The following KIF16B variants were observed in gnomAD, a reference collection of about 807,000 sequenced individuals.
KIF16B encodes kinesin-like protein KIF16B.
A neutral mutation model predicts 156.3 loss-of-function variants in KIF16B; 98 were observed. The observed-to-expected ratio is 0.63, with a 90% CI of 0.53 to 0.74. KIF16B has a LOEUF of 0.74. Among genes scored for constraint, KIF16B ranks in the 30% least tolerant of loss-of-function variants. KIF16B has a pLI of 0.00. For synonymous variants in KIF16B, 564 were observed against 583.7 expected (o/e 0.97, Z 0.49); for missense variants, 1,421 against 1,606.5 (o/e 0.88, Z 1.97).
intron 9 of KIF16B, 125 bp downstream of exon 9, chr20:16,505,597 G>T: frequency 1.2e-6 from 1 of 850,810 alleles, no homozygotes; most frequent in Non-Finnish European, 1.8e-6. Context: ...CCTCAAGATA[G>T]AAAAACCATT....
intron 16 of KIF16B, among the ~76,000 whole-genome samples, 191 bp downstream of exon 16, chr20:16,406,183 T>G (rs763791425): frequency 1.3e-5 from 2 of 152,160 alleles, no homozygotes; most frequent in African/African-American, 2.4e-5. Flanking sequence ...AGAATTTACT[T>G]GCTTGCTCTC....
intron 12 of KIF16B, among the ~76,000 whole-genome samples, chr20:16,492,155 A>G (rs982134433): frequency 6.6e-6 from 1 of 152,198 alleles, no homozygotes; most frequent in African/African-American, 2.4e-5. Flanking sequence ...TTTTATGCGC[A>G]TTACTGGAAC....
chr20:16,362,332 G>A (rs941239538), intron 22 of KIF16B, among the ~76,000 whole-genome samples: 1 of 142,246 alleles, frequency 7.0e-6, no homozygotes, highest in Non-Finnish European at 1.5e-5. Flanking sequence ...CGCTATGACT[G>A]TGTCTAAGCT....
At chr20:16,381,818 CAG>C (rs1291932446) in intron 17 of KIF16B, 71 bp from the exon 18 acceptor site, 15 of 1,261,408 alleles carry the variant, frequency 1.2e-5, no homozygotes, top group Admixed American at 4.2e-5. Context: ...TCTCTGTATA[CAG>C]AGTCACATAT....
intron 24 of KIF16B, among the ~76,000 whole-genome samples, chr20:16,330,836 G>A (rs1473945902): frequency 6.6e-6 from 1 of 152,226 alleles, no homozygotes; most frequent in Non-Finnish European, 1.5e-5. Context: ...TCTGCCTATG[G>A]AGTTGTTATA....
intron 17 of KIF16B, among the ~76,000 whole-genome samples, chr20:16,383,085 C>T (rs1255548952): frequency 1.3e-5 from 2 of 152,060 alleles, no homozygotes; most frequent in African/African-American, 4.8e-5. Flanking sequence ...CCTTGACCTC[C>T]TAGGCTCAAG....
intron 24 of KIF16B, among the ~76,000 whole-genome samples, chr20:16,316,131 G>A (rs192562382): frequency 1.3e-5 from 2 of 152,278 alleles, no homozygotes; most frequent in Admixed American, 6.5e-5. Flanking sequence ...TGCCAGTTCT[G>A]TAAGTTAAAA....
Position 16,476,247 on chromosome 20 carries a change from T to C in KIF16B, c.1302+18044A>G, listed in dbSNP as rs190729530. 3.3e-5 allele frequency among the ~76,000 whole-genome samples: 5 copies of C among 152,304 alleles called. No individual in the cohort carries two copies. The East Asian group carries it at 9.6e-4, about 29-fold the overall frequency. On this transcript the variant is annotated intron_variant, in intron 12 of 25. Transcript: ENST00000354981. ...ATGCATATTATAAAACAGGAATATA[T>C]ATATAGCTCTTAAGGTAAACAGCTT... is the stretch of plus-strand genomic sequence containing the variant.
At chr20:16,474,994 C>G (rs926247700) in intron 12 of KIF16B, among the ~76,000 whole-genome samples, 3 of 152,174 alleles carry the variant, frequency 2.0e-5, no homozygotes, top group African/African-American at 7.2e-5. Context: ...CACACAACAC[C>G]TCTCACCAAG....
At chr20:16,302,147 T>C (rs550303186) in intron 25 of KIF16B, among the ~76,000 whole-genome samples, 1 of 152,356 alleles carries the variant, frequency 6.6e-6, no homozygotes, top group South Asian at 2.1e-4. Flanking sequence ...GTCTATCTTA[T>C]TTATTTTATG....
At position 16,505,860 on chromosome 20, in the gene KIF16B, A is replaced by C; in HGVS notation, c.869-7T>G. Reference sequence around the variant, plus strand: ...GCATCCTGAGATAAATCAGCTATGAAAAGGAAGAAACAAAGGGGAGAAAGG... The same window carrying C: ...GCATCCTGAGATAAATCAGCTATGACAAGGAAGAAACAAAGGGGAGAAAGG... On this transcript the variant is annotated splice_polypyrimidine_tract_variant and splice_region_variant and intron_variant, in intron 8 of 25. Transcript: ENST00000354981. 1 of 1,613,550 alleles carries C rather than the reference A, an allele frequency of 6.2e-7. No homozygotes were observed. The highest frequency in any genetic ancestry group is 8.5e-7 in the Non-Finnish European group (1 of 1,179,834).
chr20:16,429,802 GT>G, intron 13 of KIF16B, 60 bp downstream of exon 13: 1 of 1,408,432 alleles, frequency 7.1e-7, no homozygotes, highest in African/African-American at 1.4e-5. Context: ...AATAAACCTA[GT>G]TAGTGTCTAA....
intron 24 of KIF16B, among the ~76,000 whole-genome samples, chr20:16,318,925 C>T (rs1601559608): frequency 6.6e-6 from 1 of 152,164 alleles, no homozygotes; most frequent in African/African-American, 2.4e-5. Flanking sequence ...AGCAACTCTA[C>T]AGTAGAGAAA....
In KIF16B at chr20:16,483,311, T is replaced by G. The variant is rs1041947772; in HGVS notation, c.1302+10980A>C. Among the ~76,000 whole-genome samples, 8 of 152,308 alleles carry G rather than the reference T, an allele frequency of 5.3e-5. No homozygotes were observed. In the South Asian group the frequency reaches 8.3e-4, roughly 16 times the overall value. On this transcript the variant is annotated intron_variant, in intron 12 of 25. Coordinates refer to ENST00000354981, the MANE Select transcript of KIF16B (RefSeq NM_024704.5). Reference sequence around the variant, plus strand: ...TGAGCTAATAAACCCCTGTACCATATAATCCAGTTTGGAATTGGGTTTTCT... The same window carrying G: ...TGAGCTAATAAACCCCTGTACCATAGAATCCAGTTTGGAATTGGGTTTTCT...
At position 16,368,114 on chromosome 20, in the gene KIF16B, G is replaced by A; in HGVS notation, c.3498+2472C>T. ...TCCTTCATGTTGCCCAAAGGTTCTG[G>A]TAGAGAACAAGTCACATGCCTAAGA... On this transcript the variant is annotated intron_variant, in intron 22 of 25. Coordinates refer to ENST00000354981, the MANE Select transcript of KIF16B (RefSeq NM_024704.5). The A allele has an allele frequency of 2.4e-6, 3 of 1,254,300 alleles. No homozygotes were observed. In the South Asian group the frequency reaches 5.9e-5, roughly 25 times the overall value. The allele number at this position is 1,254,300 out of a possible 1,614,324, so 77.7% of individuals were successfully genotyped here. A position where few individuals can be genotyped will look rare whatever the true frequency, so the allele number is the denominator to read the frequency against.
chr20:16,498,261 G>A (rs998298677), intron 10 of KIF16B, among the ~76,000 whole-genome samples: 2 of 152,192 alleles, frequency 1.3e-5, no homozygotes, highest in Non-Finnish European at 1.5e-5. Flanking sequence ...GACAAGAGAG[G>A]GAAACGGAAT....
In KIF16B at chr20:16,424,166, T is replaced by C. The variant is rs914607594; in HGVS notation, c.1612+2938A>G. On this transcript the variant is annotated intron_variant, in intron 15 of 25. Transcript: ENST00000354981. Reference sequence around the variant, plus strand: ...TGCTCACTGCTTTGGGTTGGTCATCTACAATTGCTGACCTTTGATCTTCCT... The same window carrying C: ...TGCTCACTGCTTTGGGTTGGTCATCCACAATTGCTGACCTTTGATCTTCCT... Among the ~76,000 whole-genome samples, 6 of 152,166 alleles carry C rather than the reference T, an allele frequency of 3.9e-5. No homozygotes were observed. In the East Asian group the frequency reaches 1.2e-3, roughly 29 times the overall value.
At chr20:16,561,322 T>A (rs369889228) in intron 1 of KIF16B, among the ~76,000 whole-genome samples, 1 of 152,078 alleles carries the variant, frequency 6.6e-6, no homozygotes, top group African/African-American at 2.4e-5. Flanking sequence ...GTAGAAAATA[T>A]CAGCATGCAT....
chr20:16,481,967 C>T (rs761868364), intron 12 of KIF16B, among the ~76,000 whole-genome samples: 2 of 152,190 alleles, frequency 1.3e-5, no homozygotes, highest in Non-Finnish European at 2.9e-5. Flanking sequence ...TTACTGTCTG[C>T]ATCTTACAGT....
Sources: gnomAD v4.1 joint callset for allele counts (sites outside exome capture counted in the v4.1 genomes callset) on GRCh38, gnomAD v4.1.1 for gene constraint, MANE v1.5 for transcripts, NCBI Gene and HGNC (gene_info 2026-07-23, HGNC 2026-07-21) for gene names.